LSAMP: variants seen among roughly 807,000 people sequenced by gnomAD.
LSAMP encodes limbic system-associated membrane protein.
LSAMP carries 7 observed loss-of-function variants against 38.6 expected under a neutral mutation model. The observed-to-expected ratio is 0.18, with a 90% CI of 0.10 to 0.34. LSAMP has a LOEUF of 0.34. Among genes scored for constraint, LSAMP ranks in the 10% least tolerant of loss-of-function variants. LSAMP has a pLI of 1.00. For missense variants in LSAMP, 313 were observed against 420.0 expected, an observed-to-expected ratio of 0.75 and a Z score of 2.23; for synonymous variants, 154 against 166.8, an observed-to-expected ratio of 0.92 and a Z score of 0.59.
rs10650049 is a variant in LSAMP at position 116,197,130 on chromosome 3, G to GACACACACACACACAC, written c.156-110590_156-110575dup. Among the ~76,000 whole-genome samples, 852 of 136,792 alleles carry GACACACACACACACAC rather than the reference G, an allele frequency of 6.2e-3. 4 individuals carry two copies. The highest frequency in any genetic ancestry group is 0.016 in the African/African-American group (565 of 35,242). The allele number at this position is 136,792 out of a possible 152,430, so 89.7% of individuals were successfully genotyped here. A position where few individuals can be genotyped will look rare whatever the true frequency, so the allele number is the denominator to read the frequency against. On this transcript the variant is annotated intron_variant, in intron 1 of 6. Coordinates refer to ENST00000490035, the MANE Select transcript of LSAMP (RefSeq NM_002338.5). ...GCCTAAAACAAAAGTATCCCACTCG[G>GACACACACACACACAC]ACACACACACACACACACACACACA...
chr3:116,153,177 C>T (rs1461746110), intron 1 of LSAMP, among the ~76,000 whole-genome samples: 2 of 152,036 alleles, frequency 1.3e-5, no homozygotes, highest in Non-Finnish European at 2.9e-5. Context: ...CTATGTGTGC[C>T]ATTACAAAAT....
intron 1 of LSAMP, among the ~76,000 whole-genome samples, chr3:116,246,236 CATTT>C (rs905492337): frequency 2.0e-5 from 3 of 152,146 alleles, no homozygotes; most frequent in Non-Finnish European, 4.4e-5. Context: ...ATTCTTCCAT[CATTT>C]TTCTTTCTAT....
intron 1 of LSAMP, among the ~76,000 whole-genome samples, chr3:116,114,439 AG>A (rs1377550518): frequency 2.0e-5 from 3 of 152,214 alleles, no homozygotes; most frequent in African/African-American, 7.2e-5. Flanking sequence ...GTGTTGTATA[AG>A]GAACAAGGTC....
At chr3:116,414,831 G>A (rs918623927) in intron 1 of LSAMP, among the ~76,000 whole-genome samples, 2 of 152,054 alleles carry the variant, frequency 1.3e-5, no homozygotes, top group African/African-American at 4.8e-5. Context: ...AGTCATGATT[G>A]CCCATTTTTT....
At chr3:115,937,473 T>A (rs1937742553) in intron 3 of LSAMP, among the ~76,000 whole-genome samples, 2 of 151,522 alleles carry the variant, frequency 1.3e-5, no homozygotes, top group Admixed American at 1.3e-4. Context: ...ACACTCTATC[T>A]TTATAAAAAA....
intron 6 of LSAMP, chr3:115,814,024 C>T (rs141749827): frequency 2.6e-5 from 4 of 152,218 alleles, no homozygotes; most frequent in Non-Finnish European, 4.4e-5. Context: ...ATTTTAGTAT[C>T]CAATCCATTC....
intron 3 of LSAMP, among the ~76,000 whole-genome samples, chr3:115,899,762 T>C (rs893342064): frequency 1.3e-5 from 2 of 152,182 alleles, no homozygotes; most frequent in African/African-American, 2.4e-5. Context: ...TTCTTAAATA[T>C]CCTGAGAAGG....
At chr3:116,104,487 C>T (rs1174313306) in intron 1 of LSAMP, among the ~76,000 whole-genome samples, 2 of 151,658 alleles carry the variant, frequency 1.3e-5, no homozygotes, top group African/African-American at 2.4e-5. Context: ...CTTTGTTCAT[C>T]GGGGAGAAAT....
intron 2 of LSAMP, among the ~76,000 whole-genome samples, chr3:116,033,134 C>T (rs1940966783): frequency 6.6e-6 from 1 of 152,138 alleles, no homozygotes; most frequent in African/African-American, 2.4e-5. Flanking sequence ...AACAATTTTG[C>T]AATGGAAATT....
chr3:116,253,192 C>A (rs555674426), intron 1 of LSAMP, among the ~76,000 whole-genome samples: 1 of 149,490 alleles, frequency 6.7e-6, no homozygotes, highest in East Asian at 2.0e-4. Context: ...CATTTTGCAA[C>A]TTAAATAAAT....
Position 115,832,690 on chromosome 3 carries a change from C to T in LSAMP, c.919+9155G>A, listed in dbSNP as rs141187442. Among the ~76,000 whole-genome samples, 7 of 152,238 alleles carry T rather than the reference C, an allele frequency of 4.6e-5. No individual in the cohort carries two copies. The East Asian group carries it at 1.2e-3, about 25-fold the overall frequency. On this transcript the variant is annotated intron_variant, in intron 6 of 6. Coordinates refer to ENST00000490035, the MANE Select transcript of LSAMP (RefSeq NM_002338.5). ...ATAGCAAACTCTCACGCCAGCCATC[C>T]GTCTTAATGAACAGCTTTTCAATTT... is the stretch of plus-strand genomic sequence containing the variant.
intron 1 of LSAMP, among the ~76,000 whole-genome samples, chr3:116,432,930 G>A (rs561941700): frequency 6.6e-6 from 1 of 152,298 alleles, no homozygotes; most frequent in Non-Finnish European, 1.5e-5. Flanking sequence ...CTCCTGCTAA[G>A]TTAATGATTC....
intron 3 of LSAMP, among the ~76,000 whole-genome samples, chr3:115,876,850 A>C (rs1936192350): frequency 6.6e-6 from 1 of 152,136 alleles, no homozygotes; most frequent in Non-Finnish European, 1.5e-5. Flanking sequence ...TTCTGAGAAG[A>C]CACGGATAGT....
At chr3:116,337,606 G>C (rs187725430) in intron 1 of LSAMP, among the ~76,000 whole-genome samples, 1 of 152,082 alleles carries the variant, frequency 6.6e-6, no homozygotes, top group Admixed American at 6.6e-5. Context: ...TATCAAAGAA[G>C]ACTCTTACTA....
intron 3 of LSAMP, among the ~76,000 whole-genome samples, chr3:115,942,330 C>T (rs1359117940): frequency 1.3e-5 from 2 of 152,088 alleles, no homozygotes; most frequent in Non-Finnish European, 2.9e-5. Context: ...TTTAAAAGTG[C>T]AAGTATTTCT....
At chr3:116,374,102 T>G (rs1559845968) in intron 1 of LSAMP, among the ~76,000 whole-genome samples, 1 of 152,038 alleles carries the variant, frequency 6.6e-6, no homozygotes, top group Non-Finnish European at 1.5e-5. Context: ...ATCTATATGG[T>G]GCTCAAATTA....
intron 2 of LSAMP, among the ~76,000 whole-genome samples, chr3:116,084,027 A>C (rs1218151501): frequency 6.6e-6 from 1 of 152,136 alleles, no homozygotes; most frequent in Non-Finnish European, 1.5e-5. Flanking sequence ...TGTCAAAACA[A>C]ATACAATAGT....
At chr3:115,819,200 C>T (rs565326576) in intron 6 of LSAMP, among the ~76,000 whole-genome samples, 1 of 152,018 alleles carries the variant, frequency 6.6e-6, no homozygotes, top group South Asian at 2.1e-4. Flanking sequence ...AATCCCAGCA[C>T]TTTGGGAGGC....
At chr3:116,246,019 A>T (rs1258701894) in intron 1 of LSAMP, among the ~76,000 whole-genome samples, 2 of 152,216 alleles carry the variant, frequency 1.3e-5, no homozygotes, top group Non-Finnish European at 2.9e-5. Flanking sequence ...GAATTAGAAG[A>T]AATCTCAGCA....
Sources: allele counts gnomAD v4.1 joint callset (sites outside exome capture counted in the v4.1 genomes callset), GRCh38; gene constraint gnomAD v4.1.1; transcripts MANE v1.5; gene names NCBI Gene and HGNC (gene_info 2026-07-23, HGNC 2026-07-21).